The following CACNA2D3 variants were observed in gnomAD, a reference collection of about 807,000 sequenced individuals.
The protein encoded by CACNA2D3 is calcium voltage-gated channel auxiliary subunit alpha2delta 3.
In CACNA2D3, 60 loss-of-function variants were observed where a neutral mutation model predicts 160.6. The observed-to-expected ratio is 0.37, with a 90% CI of 0.30 to 0.46. CACNA2D3 has a LOEUF of 0.46. Among genes scored for constraint, CACNA2D3 ranks in the 20% least tolerant of loss-of-function variants. The pLI, the probability that CACNA2D3 is intolerant of heterozygous loss-of-function variation, is 1.00. For missense variants in CACNA2D3, 1,205 were observed against 1,365.0 expected (o/e 0.88, Z 1.85); for synonymous variants, 558 against 492.9 (o/e 1.13, Z -1.75).
intron 13 of CACNA2D3, among the ~76,000 whole-genome samples, chr3:54,810,170 G>C (rs1334799879): frequency 6.6e-6 from 1 of 152,162 alleles, no homozygotes; most frequent in Non-Finnish European, 1.5e-5. Flanking sequence ...CCCCACAAAG[G>C]CTTTAAGGCA....
At chr3:54,889,804 G>A (rs1700014752) in intron 24 of CACNA2D3, among the ~76,000 whole-genome samples, 1 of 152,180 alleles carries the variant, frequency 6.6e-6, no homozygotes, top group Non-Finnish European at 1.5e-5. Flanking sequence ...AGCCTTTCCT[G>A]GGGTTTCTTT....
chr3:54,855,558 A>G (rs2106790794), intron 17 of CACNA2D3, among the ~76,000 whole-genome samples: 1 of 152,268 alleles, frequency 6.6e-6, no homozygotes, highest in Admixed American at 6.5e-5. Flanking sequence ...AGAAAGAGAG[A>G]AAGAAGAAAG....
intron 6 of CACNA2D3, among the ~76,000 whole-genome samples, chr3:54,566,570 A>C (rs1455189979): frequency 6.6e-6 from 1 of 150,676 alleles, no homozygotes. Flanking sequence ...CTACCCATGT[A>C]CTCTTACCTA....
chr3:54,375,354 G>T (rs1030339217), intron 3 of CACNA2D3, among the ~76,000 whole-genome samples: 13 of 152,052 alleles, frequency 8.5e-5, no homozygotes, highest in Non-Finnish European at 1.8e-4. Context: ...GTGAGTAATA[G>T]ATATTTTTTA....
At chr3:54,161,755 T>C (rs1700349224) in intron 2 of CACNA2D3, among the ~76,000 whole-genome samples, 2 of 152,186 alleles carry the variant, frequency 1.3e-5, no homozygotes, top group African/African-American at 4.8e-5. Flanking sequence ...CTCTTTCCAT[T>C]GTGTACCTTG....
At chr3:54,604,296 T>C (rs1703118571) in intron 9 of CACNA2D3, among the ~76,000 whole-genome samples, 1 of 152,138 alleles carries the variant, frequency 6.6e-6, no homozygotes, top group Non-Finnish European at 1.5e-5. Flanking sequence ...CCCATGGAGA[T>C]ACAAGTTCAG....
chr3:54,570,161 T>C (rs2251788), intron 8 of CACNA2D3, 57 bp downstream of exon 8: 971,594 of 1,559,070 alleles, frequency 0.62, 307,016 homozygotes, highest in Non-Finnish European at 0.66. Flanking sequence ...CTTTTGGTAG[T>C]GACTGGTTAA....
At chr3:54,715,629 C>G (rs1216394205) in intron 11 of CACNA2D3, among the ~76,000 whole-genome samples, 1 of 152,106 alleles carries the variant, frequency 6.6e-6, no homozygotes, top group Non-Finnish European at 1.5e-5. Context: ...AGCCACAAGT[C>G]ATCTCGTTAG....
chr3:54,630,693 T>C (rs573306965), intron 10 of CACNA2D3, among the ~76,000 whole-genome samples: 2 of 152,270 alleles, frequency 1.3e-5, no homozygotes, highest in Admixed American at 6.5e-5. Flanking sequence ...TCCAAGAAGG[T>C]GTATTCACAC....
intron 2 of CACNA2D3, among the ~76,000 whole-genome samples, chr3:54,295,040 A>G (rs1703310186): frequency 6.6e-6 from 1 of 152,030 alleles, no homozygotes; most frequent in African/African-American, 2.4e-5. Context: ...AAATAAATCC[A>G]TTTTGTGCCA....
chr3:54,157,787 C>T (rs56349750), intron 2 of CACNA2D3, among the ~76,000 whole-genome samples: 38,772 of 147,940 alleles, frequency 0.26, 5,168 homozygotes, highest in East Asian at 0.35. Flanking sequence ...GTGAAAACTC[C>T]GTCTAAAAAA....
At chr3:54,452,961 C>T (rs1700334114) in intron 4 of CACNA2D3, among the ~76,000 whole-genome samples, 1 of 151,592 alleles carries the variant, frequency 6.6e-6, no homozygotes. Flanking sequence ...TTTTTTCTTT[C>T]TTTCTTTCCC....
intron 9 of CACNA2D3, among the ~76,000 whole-genome samples, chr3:54,597,124 G>A (rs1702969957): frequency 6.6e-6 from 1 of 152,166 alleles, no homozygotes; most frequent in Non-Finnish European, 1.5e-5. Flanking sequence ...CTACTGCAAG[G>A]TTTTCCCTTT....
At chr3:54,699,454 T>A (rs982918484) in intron 11 of CACNA2D3, among the ~76,000 whole-genome samples, 8 of 152,202 alleles carry the variant, frequency 5.3e-5, no homozygotes, top group Non-Finnish European at 1.0e-4. Flanking sequence ...CCCCAGTCAC[T>A]AACAAGTTGT....
chr3:54,672,420 ACC>A (rs1700177616), intron 11 of CACNA2D3, among the ~76,000 whole-genome samples: 3 of 151,778 alleles, frequency 2.0e-5, no homozygotes, highest in African/African-American at 4.8e-5. Flanking sequence ...GCAAGTTCTA[ACC>A]TCCCGTTGGC....
chr3:54,406,485 G>C (rs944079495), intron 4 of CACNA2D3, among the ~76,000 whole-genome samples: 10 of 152,092 alleles, frequency 6.6e-5, no homozygotes, highest in Non-Finnish European at 1.5e-4. Context: ...CTTAAAAAAG[G>C]AGGAGGTCTT....
At chr3:54,531,362 G>C (rs187705047) in intron 5 of CACNA2D3, among the ~76,000 whole-genome samples, 2 of 152,218 alleles carry the variant, frequency 1.3e-5, no homozygotes, top group Non-Finnish European at 2.9e-5. Flanking sequence ...GAAGTATGAC[G>C]GAAGGATATT....
chr3:54,855,531 C>T (rs1192440271), intron 17 of CACNA2D3, among the ~76,000 whole-genome samples: 1 of 151,622 alleles, frequency 6.6e-6, no homozygotes, highest in Non-Finnish European at 1.5e-5. Context: ...CTTTTATAGT[C>T]ATTACTCTGC....
intron 2 of CACNA2D3, among the ~76,000 whole-genome samples, chr3:54,284,878 C>A (rs1449390097): frequency 6.6e-6 from 1 of 152,148 alleles, no homozygotes; most frequent in South Asian, 2.1e-4. Flanking sequence ...ATGATGATGT[C>A]CAATGTATTT....
Sources: gnomAD v4.1 joint callset for allele counts (sites outside exome capture counted in the v4.1 genomes callset) on GRCh38, gnomAD v4.1.1 for gene constraint, MANE v1.5 for transcripts, NCBI Gene and HGNC (gene_info 2026-07-23, HGNC 2026-07-21) for gene names.